Variants in LGR6 observed in about 807,000 individuals in gnomAD.
LGR6 encodes leucine-rich repeat-containing G protein-coupled receptor 6.
A neutral mutation model predicts 69.4 loss-of-function variants in LGR6; 45 were observed. The observed-to-expected ratio is 0.65, with a 90% CI of 0.51 to 0.83. The LOEUF is 0.83. Ranked by LOEUF, LGR6 falls within the 40% of genes least tolerant of loss-of-function variation. The probability of loss-of-function intolerance (pLI) is 0.00; values close to 1 mark genes in which losing one functional copy is unlikely to be tolerated. For missense variants in LGR6, 1,108 were observed against 1,246.7 expected, an observed-to-expected ratio of 0.89 and a Z score of 1.68; for synonymous variants, 538 against 555.0, an observed-to-expected ratio of 0.97 and a Z score of 0.43.
At chr1:202,223,186 C>T (rs771859049) in intron 1 of LGR6, among the ~76,000 whole-genome samples, 5 of 152,182 alleles carry the variant, frequency 3.3e-5, no homozygotes, top group Admixed American at 1.3e-4. Flanking sequence ...ACAGCTTCTG[C>T]GGATCCCATT....
At chr1:202,216,856 C>A (rs958730677) in intron 1 of LGR6, among the ~76,000 whole-genome samples, 4 of 152,206 alleles carry the variant, frequency 2.6e-5, no homozygotes, top group African/African-American at 9.7e-5. Flanking sequence ...ATCCCAGTGC[C>A]ACGCTTTGCT....
chr1:202,313,664 G>A (rs1339546834), intron 16 of LGR6, among the ~76,000 whole-genome samples: 3 of 152,132 alleles, frequency 2.0e-5, no homozygotes, highest in Non-Finnish European at 4.4e-5. Flanking sequence ...CTCAAGAAAT[G>A]TTAACCCTTA....
In LGR6 at chr1:202,309,002, C is replaced by G. The variant is rs781139949; in HGVS notation, c.1281-49C>G. On this transcript the variant is annotated intron_variant, in intron 14 of 17. Transcript: ENST00000367278. ...CACATTCTCAGCACAGCCCTGCCCC[C>G]TCAGCAATCCCACTGACTGCCAATA... 38 of 1,608,288 alleles carry G rather than the reference C, an allele frequency of 2.4e-5. No homozygotes were observed. The South Asian group carries it at 3.9e-4, about 16-fold the overall frequency.
rs1196500516 is a variant in LGR6, at chr1:202,271,365, G to A, written c.429-4941G>A. 2.6e-5 allele frequency among the ~76,000 whole-genome samples: 4 copies of A among 152,110 alleles called. No homozygotes were observed. In the East Asian group the frequency reaches 5.8e-4, roughly 22 times the overall value. On this transcript the variant is annotated intron_variant, in intron 4 of 17. Coordinates refer to ENST00000367278, the MANE Select transcript of LGR6 (RefSeq NM_001017403.2). The stretch of plus-strand genomic sequence containing the variant: ...GGGAGCCTGAACCCTGACTTGAAAG[G>A]GTGGGGGAATTCTCCAGAGAGCACC...
intron 6 of LGR6, among the ~76,000 whole-genome samples, chr1:202,292,868 A>C (rs1666892835): frequency 6.6e-6 from 1 of 152,246 alleles, no homozygotes; most frequent in African/African-American, 2.4e-5. Context: ...AAATAGCCAC[A>C]CATGCCTAGT....
chr1:202,306,630 C>A (rs930781808), intron 12 of LGR6: 10 of 556,950 alleles, frequency 1.8e-5, no homozygotes, highest in Non-Finnish European at 3.2e-5. Flanking sequence ...ACACTGGAAG[C>A]TGACTCCCTT....
At position 202,318,851 on chromosome 1, in the gene LGR6, C is replaced by T. The variant is rs755187801; in HGVS notation, c.2548C>T (p.Pro850Ser). The change falls in exon 18 of 18, where the codon CCC becomes TCC. Residue 850 changes from proline (P) to serine (S), a missense_variant. Transcript: ENST00000367278. ...TCGGCCCCGCGCAGGGGACTCAGGGCCCCTAGCCTATGCTGCGGCCGGGGA... is the reference window on the plus strand; with the variant it reads ...TCGGCCCCGCGCAGGGGACTCAGGGTCCCTAGCCTATGCTGCGGCCGGGGA... ...RLRPRAGDSG[P>S]LAYAAAGELE... The T allele has an allele frequency of 1.3e-5, 21 of 1,613,388 alleles. No homozygotes were observed. The South Asian group carries it at 2.2e-4, about 17-fold the overall frequency.
At chr1:202,194,992 C>T (rs1335707341) in intron 1 of LGR6, among the ~76,000 whole-genome samples, 1 of 152,142 alleles carries the variant, frequency 6.6e-6, no homozygotes, top group Non-Finnish European at 1.5e-5. Context: ...TGGGAGCTTC[C>T]CCTCAGAGCT....
intron 1 of LGR6, among the ~76,000 whole-genome samples, chr1:202,201,892 T>G (rs1658852453): frequency 6.6e-6 from 1 of 152,164 alleles, no homozygotes; most frequent in African/African-American, 2.4e-5. Context: ...TCAGCGTTGA[T>G]GTTGAGGACC....
chr1:202,276,971 C>A (rs1167402146), intron 5 of LGR6, among the ~76,000 whole-genome samples: 1 of 152,144 alleles, frequency 6.6e-6, no homozygotes, highest in Non-Finnish European at 1.5e-5. Context: ...AAAGTCATCA[C>A]TTATAATTAG....
chr1:202,277,815 T>A (rs1571949862), intron 5 of LGR6, among the ~76,000 whole-genome samples: 2 of 50,830 alleles, frequency 3.9e-5, no homozygotes. Flanking sequence ...ATAGATATGG[T>A]GGGAAGGCTG....
intron 1 of LGR6, among the ~76,000 whole-genome samples, chr1:202,210,046 T>G (rs1478491159): frequency 1.3e-5 from 2 of 152,230 alleles, no homozygotes; most frequent in Non-Finnish European, 2.9e-5. Context: ...ACCAGAAGCC[T>G]GCTGCTCTGG....
chr1:202,282,783 G>A (rs545475885), intron 6 of LGR6, among the ~76,000 whole-genome samples: 31 of 152,330 alleles, frequency 2.0e-4, no homozygotes, highest in Admixed American at 5.9e-4. Flanking sequence ...GGATTGCCGC[G>A]CAGGGCATTT....
At chr1:202,202,582 C>G (rs1386896790) in intron 1 of LGR6, among the ~76,000 whole-genome samples, 1 of 152,226 alleles carries the variant, frequency 6.6e-6, no homozygotes, top group East Asian at 1.9e-4. Context: ...TTCTTGCTTT[C>G]AAAATGGGCA....
At chr1:202,223,187 G>A (rs1179866173) in intron 1 of LGR6, among the ~76,000 whole-genome samples, 2 of 152,174 alleles carry the variant, frequency 1.3e-5, no homozygotes, top group South Asian at 2.1e-4. Context: ...CAGCTTCTGC[G>A]GATCCCATTT....
At position 202,318,039 on chromosome 1, in the gene LGR6, A is replaced by G. The variant is rs1377477596; in HGVS notation, c.1736A>G (p.Asn579Ser). The G allele has an allele frequency of 8.1e-6, 13 of 1,614,014 alleles. No homozygotes were observed. Among genetic ancestry groups the G allele is most frequent in the Admixed American group, 6.7e-5 (4 of 60,004 alleles). The change falls in exon 18 of 18, where the codon AAT (asparagine) becomes AGT (serine). Residue 579 changes from asparagine to serine, a missense_variant. Transcript: ENST00000367278. ...ATCGTGTTGCTCTCCGTGCTCTGCA[A>G]TGGACTGGTGCTGCTGACCGTGTTC... ...WAIVLLSVLC[N>S]GLVLLTVFAG...
intron 4 of LGR6, among the ~76,000 whole-genome samples, chr1:202,267,898 T>A (rs1190150210): frequency 1.3e-5 from 2 of 152,156 alleles, no homozygotes; most frequent in Non-Finnish European, 2.9e-5. Flanking sequence ...ACAAAGGGAA[T>A]GATACCATCT....
chr1:202,302,691 C>T (rs1025807799), intron 9 of LGR6, among the ~76,000 whole-genome samples: 2 of 152,112 alleles, frequency 1.3e-5, no homozygotes, highest in Non-Finnish European at 2.9e-5. Flanking sequence ...AGATTACAGG[C>T]GCCCGCCACC....
At chr1:202,289,943 C>T (rs930216556) in intron 6 of LGR6, among the ~76,000 whole-genome samples, 5 of 152,182 alleles carry the variant, frequency 3.3e-5, no homozygotes, top group African/African-American at 1.2e-4. Flanking sequence ...CAGTAATAAA[C>T]ACAAATGTTA....
Sources: allele counts gnomAD v4.1 joint callset (sites outside exome capture counted in the v4.1 genomes callset), GRCh38; gene constraint gnomAD v4.1.1; transcripts MANE v1.5; gene names NCBI Gene and HGNC (gene_info 2026-07-23, HGNC 2026-07-21).